Variants in SMARCB1 observed in about 807,000 individuals in gnomAD.
SMARCB1 encodes the protein SWI/SNF related BAF chromatin remodeling complex subunit B1.
Under a neutral mutation model 49.0 loss-of-function variants are expected in SMARCB1, and 5 were observed. That is an observed-to-expected ratio of 0.10 (90% CI 0.05 to 0.21). The LOEUF is 0.21. SMARCB1 is among the 10% of genes least tolerant of loss of function. The pLI is 1.00. For synonymous variants in SMARCB1, 201 were observed against 200.1 expected (o/e 1.00, Z -0.04); for missense variants, 226 against 509.2 (o/e 0.44, Z 5.35).
At position 23,825,516 on chromosome 22, in the gene SMARCB1, G is replaced by T. The variant is rs868003456; in HGVS notation, c.986+101G>T. The T allele has an allele frequency of 4.9e-6, 5 of 1,026,602 alleles. No homozygotes were observed. The South Asian group carries it at 7.5e-5, about 15-fold the overall frequency. The allele number at this position is 1,026,602 out of a possible 1,614,324, so 63.6% of individuals were successfully genotyped here. On this transcript the variant is annotated intron_variant, in intron 7 of 8. Transcript: ENST00000644036. ...GGTGATACCTTTGAGGCTTTCTCAC[G>T]CTTCGCAGCACAATCTGGCTGGGGT...
intron 5 of SMARCB1, among the ~76,000 whole-genome samples, chr22:23,805,962 T>C (rs904071113): frequency 2.0e-5 from 3 of 152,220 alleles, no homozygotes; most frequent in Non-Finnish European, 4.4e-5. Flanking sequence ...CAAGGAAGCT[T>C]ACCATAAGTA....
chr22:23,836,613 G>A lies in SMARCB1; in HGVS notation c.*2433G>A. The A allele has an allele frequency of 8.3e-7, 1 of 1,209,188 alleles. No homozygotes were observed. The highest frequency in any genetic ancestry group is 1.0e-6 in the Non-Finnish European group (1 of 975,540). 74.9% of individuals were successfully genotyped at this position (1,209,188 alleles called of 1,614,324 possible). ...ACCATGGGCAGTTTCTTTGCCCTCT[G>A]TGGGCACCCCTATCCTACCACCTGC... On this transcript the variant is annotated 3_prime_UTR_variant, in exon 9 of 9. Coordinates refer to ENST00000644036, the MANE Select transcript of SMARCB1 (RefSeq NM_003073.5).
chr22:23,802,963 C>G (rs1331252826), intron 4 of SMARCB1: 1 of 423,878 alleles, frequency 2.4e-6, no homozygotes, highest in Non-Finnish European at 4.4e-6. Flanking sequence ...CTGGAAATGC[C>G]CTTCTCCTTT....
intron 5 of SMARCB1, among the ~76,000 whole-genome samples, chr22:23,809,444 T>A (rs1169590635): frequency 6.6e-6 from 1 of 151,838 alleles, no homozygotes; most frequent in African/African-American, 2.4e-5. Flanking sequence ...ACCCGGTTAA[T>A]TTTTGTATTT....
At position 23,836,966 on chromosome 22, in the gene SMARCB1, T is replaced by TG; in HGVS notation, c.*2790dup. 1 of 1,573,690 alleles carries TG rather than the reference T, an allele frequency of 6.4e-7. No individual in the cohort carries two copies. The highest frequency in any genetic ancestry group is 8.6e-7 in the Non-Finnish European group (1 of 1,160,320). ...AGGGGCATCCAGGAGCAGCTTTCTGTGGGGAGGGGCCCGTGTTGAGCACAG... is the reference window on the plus strand; with the variant it reads ...AGGGGCATCCAGGAGCAGCTTTCTGTGGGGGAGGGGCCCGTGTTGAGCACAG... On this transcript the variant is annotated 3_prime_UTR_variant, in exon 9 of 9. Transcript: ENST00000644036.
chr22:23,830,755 G>T (rs919209052), intron 7 of SMARCB1, among the ~76,000 whole-genome samples: 1 of 143,378 alleles, frequency 7.0e-6, no homozygotes. Flanking sequence ...TCCGCCTCCT[G>T]AGTTCAAGTG....
At chr22:23,832,680 C>G (rs1431521056) in intron 7 of SMARCB1, among the ~76,000 whole-genome samples, 1 of 152,232 alleles carries the variant, frequency 6.6e-6, no homozygotes, top group Admixed American at 6.5e-5. Flanking sequence ...GTGACGGGAC[C>G]ACTGCATGTG....
chr22:23,825,490 C>A, intron 7 of SMARCB1, 75 bp downstream of exon 7: 1 of 1,326,096 alleles, frequency 7.5e-7, no homozygotes, highest in Admixed American at 1.8e-5. Context: ...TCTGTGTGAG[C>A]GGTGATACCT....
chr22:23,793,500 C>G, intron 2 of SMARCB1, 59 bp from the exon 3 acceptor site: 1 of 1,600,992 alleles, frequency 6.2e-7, no homozygotes, highest in Non-Finnish European at 8.6e-7. Flanking sequence ...ATCCACTTGG[C>G]TGGCTGCTGT....
chr22:23,808,692 G>A (rs1929673558), intron 5 of SMARCB1, among the ~76,000 whole-genome samples: 1 of 150,664 alleles, frequency 6.6e-6, no homozygotes, highest in Admixed American at 6.6e-5. Flanking sequence ...AACGATATTG[G>A]ACATTCTTTT....
At position 23,834,353 on chromosome 22, in the gene SMARCB1, A is replaced by G. The variant is rs1305319872; in HGVS notation, c.*173A>G. On this transcript the variant is annotated 3_prime_UTR_variant, in exon 9 of 9. Coordinates refer to ENST00000644036, the MANE Select transcript of SMARCB1 (RefSeq NM_003073.5). ...TTCCCGGCACACATTCCATTTGTTGAGCCCCAGTCCTGCCCCCCACCCCAC... is the reference window on the plus strand; with the variant it reads ...TTCCCGGCACACATTCCATTTGTTGGGCCCCAGTCCTGCCCCCCACCCCAC... 6.3e-5 allele frequency: 47 copies of G among 744,854 alleles called. No individual in the cohort carries two copies. Among genetic ancestry groups the G allele is most frequent in the Non-Finnish European group, 2.3e-6 (1 of 425,820 alleles). The allele number at this position is 744,854 out of a possible 1,614,324, so 46.1% of individuals were successfully genotyped here. A position where few individuals can be genotyped will look rare whatever the true frequency, so the allele number is the denominator to read the frequency against.
chr22:23,790,180 G>A (rs1351778018), intron 1 of SMARCB1, among the ~76,000 whole-genome samples: 1 of 152,118 alleles, frequency 6.6e-6, no homozygotes, highest in African/African-American at 2.4e-5. Flanking sequence ...GCCCTGCAGG[G>A]CCTGCAAGGT....
At chr22:23,809,409 T>C (rs544332295) in intron 5 of SMARCB1, among the ~76,000 whole-genome samples, 68 of 151,912 alleles carry the variant, frequency 4.5e-4, no homozygotes, top group Middle Eastern at 3.4e-3. Context: ...CCTGAGTAGC[T>C]GGGATTACAG....
chr22:23,825,521 G>T, intron 7 of SMARCB1, 106 bp downstream of exon 7: 2 of 990,292 alleles, frequency 2.0e-6, no homozygotes, highest in South Asian at 1.5e-5. Context: ...CTCACGCTTC[G>T]CAGCACAATC....
rs1169895417 is a variant in SMARCB1 at position 23,837,810 on chromosome 22, G to A, written c.*3630G>A. 1.2e-5 allele frequency: 20 copies of A among 1,613,822 alleles called. No homozygotes were observed. Among genetic ancestry groups the A allele is most frequent in the Non-Finnish European group, 1.7e-5 (20 of 1,179,994 alleles). Reference sequence around the variant, plus strand: ...TCCACACGTACACCAGCATGGCCATGAGGGCCTGGCCCAGGAAGAACAGGC... The same window carrying A: ...TCCACACGTACACCAGCATGGCCATAAGGGCCTGGCCCAGGAAGAACAGGC... On this transcript the variant is annotated 3_prime_UTR_variant, in exon 9 of 9. Transcript: ENST00000644036.
rs866039663 is a variant in SMARCB1 at position 23,787,245 on chromosome 22, T to C, written c.76T>C (p.Tyr26His). The C allele has an allele frequency of 1.2e-6, 2 of 1,603,144 alleles. No homozygotes were observed. Among genetic ancestry groups the C allele is most frequent in the Non-Finnish European group, 1.7e-6 (2 of 1,172,962 alleles). Residue 26 changes from tyrosine to histidine, a missense_variant, in exon 1 of 9, where the codon TAC (tyrosine) becomes CAC (histidine). By Grantham distance (83) the Tyr-to-His change is moderately conservative (BLOSUM62 2). Around this residue, in one of 6 missense-constraint regions of SMARCB1, gnomAD observed 37 missense variants for 36.9 expected, o/e 1.00. Transcript: ENST00000644036. ...CCAGCTGGAGGACGACGGCGAGTTC[T>C]ACATGATCGGCTCCGAGGTAGCCCG... is the stretch of plus-strand genomic sequence containing the variant. ...KFQLEDDGEF[Y>H]MIGSEVGNYL...
rs371274104 is a variant in SMARCB1 at position 23,837,468 on chromosome 22, G to A, written c.*3288G>A. 5 of 679,172 alleles carry A rather than the reference G, an allele frequency of 7.4e-6. No individual in the cohort carries two copies. The highest frequency in any genetic ancestry group is 7.2e-5 in the African/African-American group (4 of 55,338). The allele number at this position is 679,172 out of a possible 1,614,324, so 42.1% of individuals were successfully genotyped here. A position where few individuals can be genotyped will look rare whatever the true frequency, so the allele number is the denominator to read the frequency against. ...CAAGCATCAGTAGATCCGTCCTGAC[G>A]ATGCAAATTATGTGGGCCGGCTGGC... On this transcript the variant is annotated 3_prime_UTR_variant, in exon 9 of 9. Transcript: ENST00000644036.
intron 3 of SMARCB1, among the ~76,000 whole-genome samples, chr22:23,796,388 C>T (rs533962907): frequency 2.0e-5 from 3 of 152,138 alleles, no homozygotes; most frequent in East Asian, 1.9e-4. Context: ...TGACCCGAGA[C>T]GGGTCCTGTG....
chr22:23,833,872 GTA>G (rs959948008), intron 8 of SMARCB1, among the ~76,000 whole-genome samples, 169 bp downstream of exon 8: 1 of 152,242 alleles, frequency 6.6e-6, no homozygotes, highest in Non-Finnish European at 1.5e-5. Flanking sequence ...AAACGCCAGG[GTA>G]TGTTTCCCTG....
Sources: allele counts gnomAD v4.1 joint callset (sites outside exome capture counted in the v4.1 genomes callset), GRCh38; gene constraint gnomAD v4.1.1; regional missense constraint gnomAD v4.1.1; transcripts MANE v1.5; gene names NCBI Gene and HGNC (gene_info 2026-07-23, HGNC 2026-07-21).